Variants in LRRC4C observed in about 807,000 individuals in gnomAD.
LRRC4C encodes leucine-rich repeat-containing protein 4C.
A neutral mutation model predicts 33.6 loss-of-function variants in LRRC4C; 5 were observed. The ratio of observed to expected loss-of-function variants is 0.15; its 90% CI spans 0.08 to 0.31. LRRC4C has a LOEUF of 0.31. Among genes scored for constraint, LRRC4C ranks in the 10% least tolerant of loss-of-function variants. The pLI, the probability that LRRC4C is intolerant of heterozygous loss-of-function variation, is 1.00. For missense variants in LRRC4C, 560 were observed against 796.7 expected (o/e 0.70, Z 3.58); for synonymous variants, 329 against 302.0 (o/e 1.09, Z -0.93).
chr11:40,578,412 G>T (rs1958315625), intron 3 of LRRC4C, among the ~76,000 whole-genome samples: 1 of 151,800 alleles, frequency 6.6e-6, no homozygotes. Flanking sequence ...AAACTCAACT[G>T]CAAGTATTTA....
At chr11:40,379,969 T>G (rs1344242595) in intron 3 of LRRC4C, among the ~76,000 whole-genome samples, 1 of 152,136 alleles carries the variant, frequency 6.6e-6, no homozygotes. Flanking sequence ...TGATGTGAAC[T>G]GAAGTTTTGG....
At chr11:40,444,126 A>G (rs766980535) in intron 3 of LRRC4C, among the ~76,000 whole-genome samples, 3 of 152,108 alleles carry the variant, frequency 2.0e-5, no homozygotes, top group Non-Finnish European at 4.4e-5. Context: ...GTAACACTTT[A>G]TGTTAGTTCA....
intron 5 of LRRC4C, among the ~76,000 whole-genome samples, chr11:40,233,994 A>ACACT (rs1163385454): frequency 6.6e-6 from 1 of 152,188 alleles, no homozygotes; most frequent in Non-Finnish European, 1.5e-5. Flanking sequence ...ATTACTCACT[A>ACACT]CACTCATCTT....
intron 3 of LRRC4C, among the ~76,000 whole-genome samples, chr11:40,487,048 A>G (rs796441663): frequency 1.9e-4 from 29 of 152,176 alleles, no homozygotes; most frequent in African/African-American, 6.3e-4. Flanking sequence ...GGGCTCCTAG[A>G]AAGTCTGTTA....
At chr11:41,050,734 T>C (rs1374564783) in intron 1 of LRRC4C, among the ~76,000 whole-genome samples, 2 of 152,124 alleles carry the variant, frequency 1.3e-5, no homozygotes, top group African/African-American at 2.4e-5. Flanking sequence ...CTATTGTAAA[T>C]AGTGCTGCAG....
intron 3 of LRRC4C, among the ~76,000 whole-genome samples, chr11:40,498,100 G>A (rs1227098644): frequency 6.6e-6 from 1 of 152,106 alleles, no homozygotes; most frequent in South Asian, 2.1e-4. Flanking sequence ...ACAGTTACTT[G>A]AGTGGTTATA....
intron 1 of LRRC4C, among the ~76,000 whole-genome samples, chr11:41,040,576 T>A (rs929606672): frequency 6.6e-6 from 1 of 152,222 alleles, no homozygotes; most frequent in Non-Finnish European, 1.5e-5. Context: ...GCAGTTTTCT[T>A]AGACTTTGAT....
chr11:40,483,413 TC>T (rs1246231879), intron 3 of LRRC4C, among the ~76,000 whole-genome samples: 5 of 152,088 alleles, frequency 3.3e-5, no homozygotes, highest in African/African-American at 1.2e-4. Flanking sequence ...TAGAGAGCTC[TC>T]CCAAGTCTTG....
rs1410268046 is a variant in LRRC4C, at chr11:40,586,883, T to C, written c.-270+61259A>G. On this transcript the variant is annotated intron_variant, in intron 3 of 6. Transcript: ENST00000528697. Reference sequence around the variant, plus strand: ...TGCTGTTTTGGTTACTGTAGCCTTGTAGTATAGTTTGAAGTCAGGTAGAGT... The same window carrying C: ...TGCTGTTTTGGTTACTGTAGCCTTGCAGTATAGTTTGAAGTCAGGTAGAGT... Among the ~76,000 whole-genome samples, 15 of 152,318 alleles carry C rather than the reference T, an allele frequency of 9.8e-5. No individual in the cohort carries two copies. In the South Asian group the frequency reaches 1.2e-3, roughly 13 times the overall value.
chr11:41,447,710 C>T (rs1955868397), intron 1 of LRRC4C, among the ~76,000 whole-genome samples: 1 of 152,132 alleles, frequency 6.6e-6, no homozygotes, highest in Non-Finnish European at 1.5e-5. Flanking sequence ...AAATATAGCA[C>T]CACAATCTAC....
chr11:40,257,471 G>A (rs956031817), intron 4 of LRRC4C, among the ~76,000 whole-genome samples: 3 of 152,088 alleles, frequency 2.0e-5, no homozygotes, highest in Non-Finnish European at 2.9e-5. Flanking sequence ...CAAGTAAACC[G>A]GAGTTTCATT....
In LRRC4C at chr11:40,439,173, C is replaced by T. The variant is rs559348865; in HGVS notation, c.-269-119452G>A. ...CCCAGGATGGTCTTGATCTTCTGAC[C>T]TTGTGATCCACCCACCTTGGCCTAC... On this transcript the variant is annotated intron_variant, in intron 3 of 6. Coordinates refer to ENST00000528697, the MANE Select transcript of LRRC4C (RefSeq NM_001258419.2). Among the ~76,000 whole-genome samples, 8 of 151,184 alleles carry T rather than the reference C, an allele frequency of 5.3e-5. No individual in the cohort carries two copies. In the South Asian group the frequency reaches 1.0e-3, roughly 20 times the overall value.
chr11:40,477,593 A>G (rs182232698), intron 3 of LRRC4C, among the ~76,000 whole-genome samples: 44 of 151,886 alleles, frequency 2.9e-4, no homozygotes, highest in Admixed American at 5.2e-4. Context: ...ATGTTTAAAT[A>G]TGGTTTGATT....
At chr11:41,286,513 A>G (rs186913574) in intron 1 of LRRC4C, among the ~76,000 whole-genome samples, 1 of 152,334 alleles carries the variant, frequency 6.6e-6, no homozygotes, top group Admixed American at 6.5e-5. Context: ...TATATTTTTC[A>G]TCTTCCAGTG....
At chr11:40,139,886 C>G (rs1857245521) in intron 6 of LRRC4C, among the ~76,000 whole-genome samples, 1 of 152,186 alleles carries the variant, frequency 6.6e-6, no homozygotes, top group Non-Finnish European at 1.5e-5. Context: ...TGATGTGAAG[C>G]CATCACTGTT....
At chr11:40,927,915 G>C (rs1957464262) in intron 2 of LRRC4C, among the ~76,000 whole-genome samples, 2 of 152,078 alleles carry the variant, frequency 1.3e-5, no homozygotes, top group African/African-American at 4.8e-5. Flanking sequence ...AAGAGATGTT[G>C]TGTCAGCGGG....
At chr11:40,475,141 A>G (rs1590854010) in intron 3 of LRRC4C, among the ~76,000 whole-genome samples, 1 of 152,176 alleles carries the variant, frequency 6.6e-6, no homozygotes, top group East Asian at 1.9e-4. Flanking sequence ...TATTACAAAC[A>G]TACATGCACA....
In LRRC4C at chr11:41,166,130, A is replaced by C. The variant is rs78406915; in HGVS notation, c.-495-232407T>G. ...TGGGTTTTAAATCTGTATTTATGTC[A>C]AAAAAAAAAGCATAATGATAGTCTT... On this transcript the variant is annotated intron_variant, in intron 1 of 6. Coordinates refer to ENST00000528697, the MANE Select transcript of LRRC4C (RefSeq NM_001258419.2). Among the ~76,000 whole-genome samples the C allele has an allele frequency of 9.5e-3, 1,359 of 142,308 alleles. 56 individuals carry two copies. Among genetic ancestry groups the C allele is most frequent in the East Asian group, 0.086 (434 of 5,034 alleles). 93.4% of individuals were successfully genotyped at this position (142,308 alleles called of 152,430 possible).
intron 1 of LRRC4C, among the ~76,000 whole-genome samples, chr11:41,151,265 T>G (rs2135966774): frequency 6.6e-6 from 1 of 152,320 alleles, no homozygotes; most frequent in African/African-American, 2.4e-5. Context: ...AACAACATTG[T>G]CAGCTAAATA....
Sources: allele counts gnomAD v4.1 joint callset (sites outside exome capture counted in the v4.1 genomes callset), GRCh38; gene constraint gnomAD v4.1.1; transcripts MANE v1.5; gene names NCBI Gene and HGNC (gene_info 2026-07-23, HGNC 2026-07-21).